FAM120C: variants seen among roughly 807,000 people sequenced by gnomAD.
The protein encoded by FAM120C is family with sequence similarity 120 member C, also known as constitutive coactivator of PPAR-gamma-like protein 2.
FAM120C carries 14 observed loss-of-function variants against 71.2 expected under a neutral mutation model. That is an observed-to-expected ratio of 0.20 (90% CI 0.13 to 0.31). The LOEUF is 0.31. FAM120C is among the 10% of genes least tolerant of loss of function. The pLI, the probability that FAM120C is intolerant of heterozygous loss-of-function variation, is 1.00. For synonymous variants in FAM120C, 354 were observed against 353.2 expected, an observed-to-expected ratio of 1.00 and a Z score of -0.03; for missense variants, 500 against 879.0, an observed-to-expected ratio of 0.57 and a Z score of 5.45.
In FAM120C at chrX:54,116,809, T is replaced by C. The variant is rs2066970205; in HGVS notation, c.2063-15A>G. On this transcript the variant is annotated splice_polypyrimidine_tract_variant and intron_variant, in intron 9 of 15. Coordinates refer to ENST00000375180, the MANE Select transcript of FAM120C (RefSeq NM_017848.6). ...CACTGAAGGAACTGGAAAACAGAAA[T>C]TGAGGAAAAAGAGGCTCTAGAGAAT... The C allele has an allele frequency of 8.3e-7, 1 of 1,204,298 alleles. No individual in the cohort carries two copies. The highest frequency in any genetic ancestry group is 3.0e-5 in the East Asian group (1 of 33,697).
intron 1 of FAM120C, among the ~76,000 whole-genome samples, chrX:54,175,989 A>G (rs1434317609): frequency 8.9e-6 from 1 of 112,158 alleles, no homozygotes; most frequent in African/African-American, 3.2e-5. Context: ...AAACGCAATT[A>G]TACTGTTTTG....
chrX:54,098,863 C>A (rs1412177592), intron 10 of FAM120C, among the ~76,000 whole-genome samples: 3 of 111,185 alleles, frequency 2.7e-5, no homozygotes, highest in Non-Finnish European at 5.7e-5. Context: ...TCGTGATCTG[C>A]CCTCCTCGGC....
intron 1 of FAM120C, among the ~76,000 whole-genome samples, chrX:54,172,790 G>T (rs2067295106): frequency 8.9e-6 from 1 of 111,807 alleles, no homozygotes; most frequent in South Asian, 3.8e-4. Flanking sequence ...GTAGGGGACT[G>T]AGAATGTGTA....
intron 10 of FAM120C, among the ~76,000 whole-genome samples, chrX:54,114,691 G>A (rs868933171): frequency 2.7e-5 from 3 of 110,440 alleles, no homozygotes; most frequent in Non-Finnish European, 5.7e-5. Flanking sequence ...CACCCGCCTC[G>A]GCCTCCCAAA....
At chrX:54,139,842 G>A (rs2067114901) in intron 4 of FAM120C, among the ~76,000 whole-genome samples, 1 of 109,964 alleles carries the variant, frequency 9.1e-6, no homozygotes, top group African/African-American at 3.3e-5. Flanking sequence ...GATTGTGATT[G>A]TTAACACTCC....
At chrX:54,166,600 CTCTA>C (rs1181582581) in intron 1 of FAM120C, among the ~76,000 whole-genome samples, 3 of 111,934 alleles carry the variant, frequency 2.7e-5, no homozygotes, top group Middle Eastern at 4.7e-3. Context: ...AATGACAAAA[CTCTA>C]TCTATACACA....
chrX:54,125,081 G>A (rs1244807208), intron 9 of FAM120C, among the ~76,000 whole-genome samples: 1 of 110,048 alleles, frequency 9.1e-6, no homozygotes, highest in Non-Finnish European at 1.9e-5. Flanking sequence ...CAGGCATGAC[G>A]GCTCACACCT....
chrX:54,103,920 T>G (rs956315733), intron 10 of FAM120C, among the ~76,000 whole-genome samples: 2 of 111,870 alleles, frequency 1.8e-5, no homozygotes, highest in African/African-American at 6.5e-5. Flanking sequence ...TCTTTATTCT[T>G]CATGTATCGG....
chrX:54,081,698 C>T (rs1039217819), intron 13 of FAM120C, among the ~76,000 whole-genome samples: 2 of 105,836 alleles, frequency 1.9e-5, no homozygotes, highest in Non-Finnish European at 1.9e-5. Flanking sequence ...CACTTGAACC[C>T]AGGAGGTGGA....
Position 54,169,235 on chromosome X carries a change from C to A in FAM120C, c.700-9619G>T, listed in dbSNP as rs61564245. Among the ~76,000 whole-genome samples the A allele has an allele frequency of 4.8e-3, 527 of 110,646 alleles. 2 individuals carry two copies. Among genetic ancestry groups the A allele is most frequent in the African/African-American group, 0.016 (493 of 30,394 alleles). ...ATCGCTTGAGCCCAGGAGGTTGAGG[C>A]TGCAGTGAGCCGAGATCATGCACTG... On this transcript the variant is annotated intron_variant, in intron 1 of 15. Coordinates refer to ENST00000375180, the MANE Select transcript of FAM120C (RefSeq NM_017848.6).
chrX:54,183,093 G>C lies in FAM120C; in HGVS notation c.106C>G (p.Gln36Glu), dbSNP rs2067364952. Residue 36 changes from glutamine (Q) to glutamate (E), a missense_variant, in exon 1 of 16, where the codon CAG becomes GAG. By Grantham distance (29) the Gln-to-Glu change is conservative. Coordinates refer to ENST00000375180, the MANE Select transcript of FAM120C (RefSeq NM_017848.6). ...LARTVSRQQQ[Q>E]QHLHRQLPPT... ...GGCAGCTGGCGGTGCAAGTGCTGCT[G>C]CTGCTGCTGGCGCGAGACCGTGCGC... 8.7e-7 allele frequency: 1 copy of C among 1,155,500 alleles called. No homozygotes were observed. The highest frequency in any genetic ancestry group is 1.1e-6 in the Non-Finnish European group (1 of 871,196).
chrX:54,127,584 CAAA>C (rs782016062), intron 9 of FAM120C, among the ~76,000 whole-genome samples: 1 of 25,182 alleles, frequency 4.0e-5, no homozygotes, highest in African/African-American at 1.5e-4. Flanking sequence ...GACTCCATCT[CAAA>C]AAAAAAAAAA....
intron 15 of FAM120C, among the ~76,000 whole-genome samples, chrX:54,074,421 TTTTC>T (rs2066725347): frequency 8.9e-6 from 1 of 112,408 alleles, no homozygotes; most frequent in East Asian, 2.8e-4. Context: ...AGAATCTTTC[TTTTC>T]TTTTCTTTTT....
At chrX:54,175,510 CT>C (rs1168702401) in intron 1 of FAM120C, among the ~76,000 whole-genome samples, 22 of 104,283 alleles carry the variant, frequency 2.1e-4, no homozygotes, top group Admixed American at 4.1e-4. Context: ...ATATTTTATA[CT>C]TTTTTTTTTT....
chrX:54,108,523 T>C (rs2066918454), intron 10 of FAM120C, among the ~76,000 whole-genome samples: 2 of 111,746 alleles, frequency 1.8e-5, no homozygotes, highest in African/African-American at 6.5e-5. Context: ...TGCTGCCTGA[T>C]ATTAAGGCAA....
In FAM120C at chrX:54,072,312, T is replaced by C. The variant is rs1263796131; in HGVS notation, c.*721A>G. 2 of 110,032 alleles carry C rather than the reference T, an allele frequency of 1.8e-5. No homozygotes were observed. The highest frequency in any genetic ancestry group is 3.8e-5 in the Non-Finnish European group (2 of 52,743). 9.1% of individuals were successfully genotyped at this position (110,032 alleles called of 1,213,427 possible). On this transcript the variant is annotated 3_prime_UTR_variant, in exon 16 of 16. Coordinates refer to ENST00000375180, the MANE Select transcript of FAM120C (RefSeq NM_017848.6). ...GCCACATCTTCTATTTTACAAACAA[T>C]GCACTGGTTGAGAGGCAGGAAAAAT...
At chrX:54,117,330 G>A (rs782086592) in intron 9 of FAM120C, among the ~76,000 whole-genome samples, 1 of 99,255 alleles carries the variant, frequency 1.0e-5, no homozygotes, top group African/African-American at 4.0e-5. Context: ...TCCAGCCTGG[G>A]TGACAGAGTG....
At chrX:54,073,783 T>G (rs1291668943) in intron 15 of FAM120C, among the ~76,000 whole-genome samples, 1 of 110,548 alleles carries the variant, frequency 9.0e-6, no homozygotes, top group Admixed American at 9.8e-5. Context: ...TGAAAACATA[T>G]AGACCCAAAT....
intron 5 of FAM120C, 41 bp from the exon 6 acceptor site, chrX:54,135,645 T>C (rs2067090852): frequency 9.3e-7 from 1 of 1,078,901 alleles, no homozygotes; most frequent in Admixed American, 2.3e-5. Context: ...TCAATCCTAA[T>C]AATTTTACCA....
Sources: allele counts gnomAD v4.1 joint callset (sites outside exome capture counted in the v4.1 genomes callset), GRCh38; gene constraint gnomAD v4.1.1; transcripts MANE v1.5; gene names NCBI Gene and HGNC (gene_info 2026-07-23, HGNC 2026-07-21).